Variants in ENTPD1 observed in about 807,000 individuals in gnomAD.
The protein encoded by ENTPD1 is ectonucleoside triphosphate diphosphohydrolase 1.
ENTPD1 carries 33 observed loss-of-function variants against 57.0 expected under a neutral mutation model. The observed-to-expected ratio is 0.58, with a 90% CI of 0.44 to 0.77. The LOEUF (loss-of-function observed/expected upper bound fraction) is 0.77. ENTPD1 is among the 30% of genes least tolerant of loss of function. The probability of loss-of-function intolerance (pLI) is 0.00; values close to 1 mark genes in which losing one functional copy is unlikely to be tolerated. For missense variants in ENTPD1, 501 were observed against 603.4 expected (o/e 0.83, Z 1.78); for synonymous variants, 202 against 218.8 (o/e 0.92, Z 0.68).
chr10:95,808,392 A>G (rs1399031430), intron 1 of ENTPD1, among the ~76,000 whole-genome samples: 1 of 152,152 alleles, frequency 6.6e-6, no homozygotes, highest in East Asian at 1.9e-4. Flanking sequence ...TTTTTGTTGC[A>G]TCTCTGCCAG....
intron 8 of ENTPD1, among the ~76,000 whole-genome samples, chr10:95,863,647 C>G (rs1469632355): frequency 1.3e-5 from 2 of 152,058 alleles, no homozygotes; most frequent in Non-Finnish European, 2.9e-5. Flanking sequence ...CAGGCAAGAA[C>G]CAAGTGAGAA....
Position 95,871,119 on chromosome 10 carries a change from C to T in ENTPD1, c.*4736C>T. 1.0e-6 allele frequency: 1 copy of T among 985,204 alleles called. No homozygotes were observed. Among genetic ancestry groups the T allele is most frequent in the Non-Finnish European group, 1.2e-6 (1 of 829,892 alleles). The allele number at this position is 985,204 out of a possible 1,614,324, so 61.0% of individuals were successfully genotyped here. A position where few individuals can be genotyped will look rare whatever the true frequency, so the allele number is the denominator to read the frequency against. On this transcript the variant is annotated 3_prime_UTR_variant, in exon 10 of 10. Transcript: ENST00000371205. ...CTATTGTAAGTCATATGAGCAAGCT[C>T]AATAAAATATAAACAAGTCAGATAA...
intron 1 of ENTPD1, among the ~76,000 whole-genome samples, chr10:95,771,024 TC>T (rs1236395470): frequency 2.0e-5 from 3 of 152,174 alleles, no homozygotes; most frequent in Non-Finnish European, 2.9e-5. Flanking sequence ...TTTTAGTCTT[TC>T]TCTTGTTCCC....
the ENTPD1 span, among the ~76,000 whole-genome samples, chr10:95,697,623 C>T: frequency 6.6e-6 from 1 of 152,080 alleles, no homozygotes; most frequent in Non-Finnish European, 1.5e-5. Flanking sequence ...GGAACAGAGA[C>T]CTGAGTTAGC....
the ENTPD1 span, among the ~76,000 whole-genome samples, chr10:95,700,565 A>G: frequency 6.6e-6 from 1 of 152,020 alleles, no homozygotes; most frequent in Non-Finnish European, 1.5e-5. Flanking sequence ...GCACGTGCCT[A>G]TAGTCCTAGC....
chr10:95,804,080 G>C (rs1044520451), intron 1 of ENTPD1, among the ~76,000 whole-genome samples: 1 of 152,192 alleles, frequency 6.6e-6, no homozygotes, highest in Non-Finnish European at 1.5e-5. Context: ...TTTGGTACCA[G>C]TACCATGCTG....
rs1184561550 is a variant in ENTPD1 at position 95,872,701 on chromosome 10, C to T, written c.*6318C>T. On this transcript the variant is annotated 3_prime_UTR_variant, in exon 10 of 10. Transcript: ENST00000371205. ...CACGGACCTAAGGTAATAGTTCTAG[C>T]CAACCTCCCTGTCCACTGCCAGGCC... The T allele has an allele frequency of 1.0e-6, 1 of 985,236 alleles. No individual in the cohort carries two copies. The highest frequency in any genetic ancestry group is 1.7e-5 in the African/African-American group (1 of 57,186). The allele number at this position is 985,236 out of a possible 1,614,324, so 61.0% of individuals were successfully genotyped here.
chr10:95,780,523 A>C (rs2098152920), intron 1 of ENTPD1, among the ~76,000 whole-genome samples: 2 of 152,178 alleles, frequency 1.3e-5, no homozygotes, highest in Non-Finnish European at 1.5e-5. Context: ...GTTTTGCTTT[A>C]TGAGTCTATG....
At chr10:95,705,572 A>G in the ENTPD1 span, among the ~76,000 whole-genome samples, 1 of 151,882 alleles carries the variant, frequency 6.6e-6, no homozygotes, top group South Asian at 2.1e-4. Flanking sequence ...GCTCACTGCA[A>G]CCTCCACCTC....
chr10:95,755,525 A>G, upstream of ENTPD1: 1 of 615,794 alleles, frequency 1.6e-6, no homozygotes, highest in Non-Finnish European at 2.8e-6. Flanking sequence ...AAAGTTGGGA[A>G]ATGGTGGATG....
In ENTPD1 at chr10:95,818,407, C is replaced by T. The variant is rs192210492; in HGVS notation, c.17-4830C>T. Among the ~76,000 whole-genome samples the T allele has an allele frequency of 2.0e-5, 3 of 152,260 alleles. No individual in the cohort carries two copies. In the East Asian group the frequency reaches 5.8e-4, roughly 29 times the overall value. ...TGGAGGTCTAGGTAGACCAGTGTAG[C>T]TTTCATCTGGCACACAGCAGGACAT... On this transcript the variant is annotated intron_variant, in intron 1 of 9. Coordinates refer to ENST00000371205, the MANE Select transcript of ENTPD1 (RefSeq NM_001776.6).
chr10:95,701,898 T>C, the ENTPD1 span, among the ~76,000 whole-genome samples: 1 of 152,080 alleles, frequency 6.6e-6, no homozygotes. Flanking sequence ...ACAACTAGAA[T>C]ACATAGAACA....
chr10:95,697,671 T>C, the ENTPD1 span, among the ~76,000 whole-genome samples: 1 of 152,210 alleles, frequency 6.6e-6, no homozygotes, highest in Non-Finnish European at 1.5e-5. Context: ...TGTGATGCCC[T>C]GTGCTGCCTT....
chr10:95,725,159 C>G (rs2097982282), intron 1 of ENTPD1, among the ~76,000 whole-genome samples: 1 of 152,080 alleles, frequency 6.6e-6, no homozygotes, highest in Non-Finnish European at 1.5e-5. Context: ...GTGAATTTTT[C>G]ATATCACTTA....
chr10:95,765,820 T>C (rs974325606), intron 1 of ENTPD1, among the ~76,000 whole-genome samples: 3 of 152,310 alleles, frequency 2.0e-5, no homozygotes, highest in Non-Finnish European at 2.9e-5. Flanking sequence ...CATGAACATA[T>C]GATGTCTTTC....
chr10:95,791,809 T>A lies in ENTPD1; in HGVS notation c.17-31428T>A, dbSNP rs141990504. 5.2e-4 allele frequency among the ~76,000 whole-genome samples: 79 copies of A among 152,274 alleles called. No homozygotes were observed. Among genetic ancestry groups the A allele is most frequent in the African/African-American group, 1.8e-3 (73 of 41,554 alleles). On this transcript the variant is annotated intron_variant, in intron 1 of 9. Transcript: ENST00000371205. This position sits in a 1 kb window ranked among gnomAD's most constrained non-coding sequence, Gnocchi z 4.1. ...CTGATGTAATTGTCCCAGGTGAGACTACAGAAAGTCCCCAGGGAACTCTGG... is the reference window on the plus strand; with the variant it reads ...CTGATGTAATTGTCCCAGGTGAGACAACAGAAAGTCCCCAGGGAACTCTGG...
intron 1 of ENTPD1, 117 bp from the exon 2 acceptor site, chr10:95,823,120 G>T: frequency 1.6e-6 from 2 of 1,224,142 alleles, no homozygotes; most frequent in South Asian, 2.5e-5. Context: ...AAAAAGATTG[G>T]CTTTTAATCT....
chr10:95,733,993 T>C (rs996421173), intron 1 of ENTPD1, among the ~76,000 whole-genome samples: 1 of 152,200 alleles, frequency 6.6e-6, no homozygotes, highest in Admixed American at 6.5e-5. Flanking sequence ...TCTTGCCTGT[T>C]CTGTGGTCAT....
At chr10:95,795,804 A>G (rs2098223929) in intron 1 of ENTPD1, among the ~76,000 whole-genome samples, 1 of 152,202 alleles carries the variant, frequency 6.6e-6, no homozygotes, top group Non-Finnish European at 1.5e-5. Flanking sequence ...CTCAGATACA[A>G]TGGAGAGTTA....
Sources: gnomAD v4.1 joint callset for allele counts (sites outside exome capture counted in the v4.1 genomes callset) on GRCh38, gnomAD v4.1.1 for gene constraint, Gnocchi (gnomAD v3.1) non-coding constraint, MANE v1.5 for transcripts, NCBI Gene and HGNC (gene_info 2026-07-23, HGNC 2026-07-21) for gene names.